Variants in TRPM1 observed in about 807,000 individuals in gnomAD.
TRPM1 encodes TRPM1-203 APA Isoform, Intron 10.
In TRPM1, 113 loss-of-function variants were observed where a neutral mutation model predicts 149.4. The observed-to-expected ratio is 0.76, with a 90% CI of 0.65 to 0.88. TRPM1 has a LOEUF of 0.88. Ranked by LOEUF, TRPM1 falls within the 40% of genes least tolerant of loss-of-function variation. The pLI is 0.00. For synonymous variants in TRPM1, 741 were observed against 759.5 expected (o/e 0.98, Z 0.40); for missense variants, 1,976 against 2,038.7 (o/e 0.97, Z 0.59).
intron 27 of TRPM1, among the ~76,000 whole-genome samples, chr15:31,006,367 G>A (rs962097944): frequency 6.6e-6 from 1 of 152,112 alleles, no homozygotes; most frequent in Non-Finnish European, 1.5e-5. Context: ...TAGTAGAGAC[G>A]GGGTTTTGCC....
intron 23 of TRPM1, 21 bp from the exon 24 acceptor site, chr15:31,029,412 A>C (rs1384958178): frequency 6.2e-7 from 1 of 1,613,666 alleles, no homozygotes; most frequent in Non-Finnish European, 8.5e-7. Flanking sequence ...ATTGGAAAGC[A>C]GGATTTTTGT....
At position 31,068,359 on chromosome 15, in the gene TRPM1, C is replaced by T. The variant is rs78722554; in HGVS notation, c.280-267G>A. The stretch of plus-strand genomic sequence containing the variant: ...TAAAATTCACGTGGAAACCTGATTC[C>T]CAATGCAATAGTGTTAAGAGGTGGG... On this transcript the variant is annotated intron_variant, in intron 4 of 27. Coordinates refer to ENST00000256552, the MANE Select transcript of TRPM1 (RefSeq NM_001252024.2). 5.6e-3 allele frequency among the ~76,000 whole-genome samples: 859 copies of T among 152,174 alleles called. 6 individuals carry two copies. The highest frequency in any genetic ancestry group is 0.044 in the Middle Eastern group (13 of 294).
At chr15:31,051,105 C>T (rs936645414) in intron 11 of TRPM1, among the ~76,000 whole-genome samples, 5 of 152,152 alleles carry the variant, frequency 3.3e-5, no homozygotes, top group African/African-American at 9.7e-5. Context: ...AGAAGCTCTC[C>T]GCATGTCACT....
At chr15:31,152,534 C>T (rs1162341394) in intron 1 of TRPM1, among the ~76,000 whole-genome samples, 1 of 152,200 alleles carries the variant, frequency 6.6e-6, no homozygotes, top group Non-Finnish European at 1.5e-5. Flanking sequence ...CCAAAGTTAA[C>T]CTGAAAAACT....
chr15:31,045,069 C>A (rs1266702331), intron 16 of TRPM1, among the ~76,000 whole-genome samples: 2 of 152,090 alleles, frequency 1.3e-5, no homozygotes, highest in Non-Finnish European at 2.9e-5. Context: ...TCCACCAAAC[C>A]TTCATGGAAT....
intron 27 of TRPM1, among the ~76,000 whole-genome samples, chr15:31,005,189 A>C (rs1595970941): frequency 6.6e-6 from 1 of 151,708 alleles, no homozygotes; most frequent in East Asian, 1.9e-4. Flanking sequence ...CTTTTGTATC[A>C]AAAAAAACCC....
chr15:31,033,046 C>T (rs2033167591), intron 21 of TRPM1, 106 bp from the exon 22 acceptor site: 3 of 1,506,792 alleles, frequency 2.0e-6, no homozygotes, highest in African/African-American at 1.4e-5. Context: ...TCATCTGGCC[C>T]CTTTCCTACT....
chr15:31,074,148 T>C (rs1330953380), intron 3 of TRPM1, among the ~76,000 whole-genome samples: 2 of 152,126 alleles, frequency 1.3e-5, no homozygotes, highest in Non-Finnish European at 2.9e-5. Flanking sequence ...TAGATATTGA[T>C]CTATAGTTTT....
At chr15:31,069,862 T>C (rs762242024) in intron 4 of TRPM1, 169 bp downstream of exon 4, 3 of 1,575,568 alleles carry the variant, frequency 1.9e-6, no homozygotes, top group South Asian at 2.3e-5. Flanking sequence ...CCAAGCCTCA[T>C]GGCTAAAAGC....
chr15:31,104,463 A>G (rs2035570827), upstream of TRPM1, among the ~76,000 whole-genome samples: 1 of 152,274 alleles, frequency 6.6e-6, no homozygotes, highest in East Asian at 1.9e-4. Flanking sequence ...GACTTTTGCA[A>G]TAAGACTTTT....
intron 27 of TRPM1, among the ~76,000 whole-genome samples, chr15:31,008,147 G>T (rs1441348140): frequency 1.3e-5 from 2 of 152,092 alleles, no homozygotes; most frequent in African/African-American, 4.8e-5. Flanking sequence ...AATAGGAATG[G>T]TTTTATGTAT....
At chr15:31,049,236 A>G in intron 13 of TRPM1, 139 bp downstream of exon 13, 1 of 1,242,636 alleles carries the variant, frequency 8.0e-7, no homozygotes, top group Non-Finnish European at 1.2e-6. Flanking sequence ...GCAGCAGGTG[A>G]GAAGTAGCCG....
chr15:31,019,856 A>G (rs2032497408), intron 27 of TRPM1, among the ~76,000 whole-genome samples: 1 of 151,118 alleles, frequency 6.6e-6, no homozygotes, highest in Admixed American at 6.6e-5. Flanking sequence ...TTTAGTAGAA[A>G]AGGGGTTGCA....
intron 1 of TRPM1, among the ~76,000 whole-genome samples, chr15:31,116,856 C>T (rs143758849): frequency 2.6e-3 from 389 of 152,240 alleles, no homozygotes; most frequent in Middle Eastern, 0.01. Context: ...TAAACATAAA[C>T]CCTCACATTA....
chr15:31,088,794 C>A (rs1030204677), intron 1 of TRPM1, among the ~76,000 whole-genome samples: 6 of 113,992 alleles, frequency 5.3e-5, no homozygotes, highest in African/African-American at 2.3e-4. Flanking sequence ...CCTGAACGTT[C>A]TTTCTGCTGG....
In TRPM1 at chr15:31,101,703, C is replaced by A. The variant is rs901706842; in HGVS notation, c.-130G>T. 1 of 985,928 alleles carries A rather than the reference C, an allele frequency of 1.0e-6. No individual in the cohort carries two copies. The highest frequency in any genetic ancestry group is 1.7e-5 in the African/African-American group (1 of 57,400). 61.1% of individuals were successfully genotyped at this position (985,928 alleles called of 1,614,324 possible). ...GAGGGCACAGCTCAGGCTCTTTCAG[C>A]CTCCTCCTTGGCCAGGGCAGGGAGC... On this transcript the variant is annotated 5_prime_UTR_variant, in exon 1 of 28. Coordinates refer to ENST00000256552, the MANE Select transcript of TRPM1 (RefSeq NM_001252024.2).
rs1449474851 is a variant in TRPM1 at position 31,101,678 on chromosome 15, G to A, written c.-105C>T. 36 of 985,788 alleles carry A rather than the reference G, an allele frequency of 3.7e-5. No individual in the cohort carries two copies. The highest frequency in any genetic ancestry group is 4.0e-5 in the Non-Finnish European group (33 of 830,278). 61.1% of individuals were successfully genotyped at this position (985,788 alleles called of 1,614,324 possible). ...TTACCTGCCACAGCAGTGGAATGGA[G>A]AGGGCACAGCTCAGGCTCTTTCAGC... On this transcript the variant is annotated 5_prime_UTR_variant, in exon 1 of 28. Transcript: ENST00000256552.
intron 18 of TRPM1, among the ~76,000 whole-genome samples, chr15:31,039,240 T>A (rs1453313098): frequency 2.0e-5 from 3 of 152,144 alleles, no homozygotes; most frequent in East Asian, 1.9e-4. Flanking sequence ...GCCAATTTGA[T>A]GTTCATCCCC....
In TRPM1 at chr15:31,060,582, C is replaced by A. The variant is rs777415234; in HGVS notation, c.1225G>T (p.Ala409Ser). 6.2e-7 allele frequency: 1 copy of A among 1,614,232 alleles called. No individual in the cohort carries two copies. Among genetic ancestry groups the A allele is most frequent in the Non-Finnish European group, 8.5e-7 (1 of 1,180,026 alleles). ...LALAWNRVDI[A>S]RSQIFVFGPH... is the part of the protein sequence containing the mutation. The stretch of plus-strand genomic sequence containing the variant: ...CCAAAGACAAAGATCTGGCTTCGTG[C>A]TATGTCCACGCGGTTCCAAGCCAGT... Residue 409 changes from alanine (A) to serine (S), a missense_variant, in exon 11 of 28, where the codon GCA becomes TCA. Ala to Ser is a moderately conservative substitution (Grantham distance 99, BLOSUM62 1). Coordinates refer to ENST00000256552, the MANE Select transcript of TRPM1 (RefSeq NM_001252024.2).
Sources: allele counts gnomAD v4.1 joint callset (sites outside exome capture counted in the v4.1 genomes callset), GRCh38; gene constraint gnomAD v4.1.1; transcripts MANE v1.5; gene names NCBI Gene and HGNC (gene_info 2026-07-23, HGNC 2026-07-21).